Variants in ASCC2 observed in about 807,000 individuals in gnomAD.
ASCC2 encodes activating signal cointegrator 1 complex subunit 2.
ASCC2 carries 42 observed loss-of-function variants against 93.5 expected under a neutral mutation model. The ratio of observed to expected loss-of-function variants is 0.45; its 90% confidence interval spans 0.35 to 0.58. ASCC2 has a LOEUF of 0.58. Among genes scored for constraint, ASCC2 ranks in the 20% least tolerant of loss-of-function variants. ASCC2 has a pLI of 0.00. For missense variants in ASCC2, 859 were observed against 977.6 expected, an observed-to-expected ratio of 0.88 and a Z score of 1.62; for synonymous variants, 364 against 384.2, an observed-to-expected ratio of 0.95 and a Z score of 0.62.
Position 29,804,815 on chromosome 22 carries a change from A to T in ASCC2, c.1176T>A (p.Thr392=), listed in dbSNP as rs1240018757. The stretch of plus-strand genomic sequence containing the variant: ...TCTCGACTGCCTGGAGGATGTAGGC[A>T]GTCCGCGTCTCGTCCCTGTGAGGAC... ...QASSVLDETR[T]AYILQAVESA... is the part of the protein sequence containing the mutation. Residue 392 remains threonine (T), a synonymous_variant, in exon 13 of 20, where the codon ACT becomes ACA. Transcript: ENST00000307790. The T allele has an allele frequency of 5.6e-6, 9 of 1,613,916 alleles. No homozygotes were observed. In the Middle Eastern group the frequency reaches 6.6e-4, roughly 118 times the overall value.
At chr22:29,826,496 G>C (rs1480899410) in intron 2 of ASCC2, among the ~76,000 whole-genome samples, 1 of 151,808 alleles carries the variant, frequency 6.6e-6, no homozygotes, top group Non-Finnish European at 1.5e-5. Flanking sequence ...TTTTTTAGTA[G>C]AGATGGGGTT....
chr22:29,792,298 A>T lies in ASCC2; in HGVS notation c.2022+135T>A, dbSNP rs369773284. On this transcript the variant is annotated intron_variant, in intron 18 of 19. Coordinates refer to ENST00000307790, the MANE Select transcript of ASCC2 (RefSeq NM_032204.5). ...CTCTCCAAGCAGACATCCTGGGCTC[A>T]AAGGGACTCCTCCTGTCCCTGCCAG... 5 of 1,468,510 alleles carry T rather than the reference A, an allele frequency of 3.4e-6. No individual in the cohort carries two copies. The African/African-American group carries it at 5.6e-5, about 17-fold the overall frequency. 91.0% of individuals were successfully genotyped at this position (1,468,510 alleles called of 1,614,324 possible). A position where few individuals can be genotyped will look rare whatever the true frequency, so the allele number is the denominator to read the frequency against.
chr22:29,790,317 T>G, intron 19 of ASCC2, 152 bp downstream of exon 19: 1 of 732,704 alleles, frequency 1.4e-6, no homozygotes, highest in South Asian at 1.8e-5. Flanking sequence ...CAAATAAGGA[T>G]AGTGATAATG....
In ASCC2 at chr22:29,825,430, G is replaced by A. The variant is rs2062171680; in HGVS notation, c.241-173C>T. The A allele has an allele frequency of 1.8e-6, 2 of 1,138,328 alleles. No individual in the cohort carries two copies. Among genetic ancestry groups the A allele is most frequent in the South Asian group, 1.6e-5 (1 of 63,560 alleles). The allele number at this position is 1,138,328 out of a possible 1,614,324, so 70.5% of individuals were successfully genotyped here. ...GGGCTAAACACAAGATTCTAAAATT[G>A]ACACTTTGAAAGGTGTGTAAACATT... is the stretch of plus-strand genomic sequence containing the variant. On this transcript the variant is annotated intron_variant, in intron 3 of 19. Coordinates refer to ENST00000307790, the MANE Select transcript of ASCC2 (RefSeq NM_032204.5). This position sits in a 1 kb window ranked among gnomAD's most constrained non-coding sequence, Gnocchi z 4.9.
chr22:29,788,968 G>A lies in ASCC2; in HGVS notation c.*45C>T, dbSNP rs759743064. On this transcript the variant is annotated 3_prime_UTR_variant, in exon 20 of 20. Transcript: ENST00000307790. The stretch of plus-strand genomic sequence containing the variant: ...GCCCCAGGCGATGGGAGCACGGCCT[G>A]GTGAGTCTGGTGCCGCTGCCTCCCC... 25 of 1,612,030 alleles carry A rather than the reference G, an allele frequency of 1.6e-5. No individual in the cohort carries two copies. The highest frequency in any genetic ancestry group is 2.7e-5 in the African/African-American group (2 of 74,868).
Position 29,806,810 on chromosome 22 carries a change from T to G in ASCC2, c.1003A>C (p.Ile335Leu). 1 of 1,612,126 alleles carries G rather than the reference T, an allele frequency of 6.2e-7. No homozygotes were observed. The highest frequency in any genetic ancestry group is 8.5e-7 in the Non-Finnish European group (1 of 1,178,248). The part of the protein sequence containing the change: ...IILNQICLLP[I>L]LESSCDNIQG... ...GTGAGGGCTTACCTGCTTTCTAGGA[T>G]GGGAAGGAGGCAGATCTGGTTCAGG... The change falls in exon 10 of 20, where the codon ATC becomes CTC. Residue 335 changes from isoleucine (I) to leucine (L), a missense_variant. Coordinates refer to ENST00000307790, the MANE Select transcript of ASCC2 (RefSeq NM_032204.5).
chr22:29,812,675 C>T (rs985154189), intron 8 of ASCC2, among the ~76,000 whole-genome samples: 2 of 152,154 alleles, frequency 1.3e-5, no homozygotes, highest in Non-Finnish European at 2.9e-5. Context: ...CTTCACTCCC[C>T]AGCTCTCTCT....
At chr22:29,805,096 G>C (rs1295261451) in intron 12 of ASCC2, among the ~76,000 whole-genome samples, 1 of 152,166 alleles carries the variant, frequency 6.6e-6, no homozygotes, top group Non-Finnish European at 1.5e-5. Context: ...GTGTCCTGGG[G>C]CACAGGTATG....
chr22:29,813,344 G>T, intron 8 of ASCC2, 86 bp downstream of exon 8: 1 of 1,010,566 alleles, frequency 9.9e-7, no homozygotes, highest in Non-Finnish European at 1.6e-6. Context: ...TAAGCACCCA[G>T]TAAATATTTG....
At chr22:29,823,599 G>C (rs1241775290) in intron 4 of ASCC2, among the ~76,000 whole-genome samples, 1 of 152,168 alleles carries the variant, frequency 6.6e-6, no homozygotes, top group Non-Finnish European at 1.5e-5. Flanking sequence ...GGTAATCTCA[G>C]CACTTTGGGA....
intron 1 of ASCC2, chr22:29,834,486 C>T: frequency 2.1e-6 from 1 of 471,086 alleles, no homozygotes; most frequent in East Asian, 7.0e-5. Flanking sequence ...TAGTCCTTGA[C>T]ACCTGTTCCA....
chr22:29,834,444 T>C (rs2063527201), intron 1 of ASCC2: 2 of 468,764 alleles, frequency 4.3e-6, no homozygotes, highest in Non-Finnish European at 4.4e-6. Flanking sequence ...ATCCCCACCC[T>C]AGAAGGAGTA....
intron 7 of ASCC2, 37 bp from the exon 8 acceptor site, chr22:29,813,579 G>T: frequency 7.3e-7 from 1 of 1,364,538 alleles, no homozygotes; most frequent in Non-Finnish European, 1.0e-6. Context: ...ATTCTCCTCT[G>T]TCCACACATA....
intron 5 of ASCC2, among the ~76,000 whole-genome samples, chr22:29,818,974 C>A (rs1442247477): frequency 1.3e-5 from 2 of 152,158 alleles, no homozygotes. Context: ...CCACCTCCTA[C>A]AAGGCCTCCT....
chr22:29,808,393 C>T (rs532095508), intron 8 of ASCC2, among the ~76,000 whole-genome samples: 1 of 152,300 alleles, frequency 6.6e-6, no homozygotes, highest in East Asian at 1.9e-4. Flanking sequence ...TGACCTATAG[C>T]CATGTCCCTC....
At chr22:29,829,550 GT>G in intron 2 of ASCC2, among the ~76,000 whole-genome samples, 1 of 152,004 alleles carries the variant, frequency 6.6e-6, no homozygotes, top group East Asian at 1.9e-4. Flanking sequence ...GTGAAACCCC[GT>G]CTCTGCTAAA....
intron 8 of ASCC2, among the ~76,000 whole-genome samples, chr22:29,812,677 G>GCT (rs2060406049): frequency 6.6e-6 from 1 of 152,046 alleles, no homozygotes; most frequent in African/African-American, 2.4e-5. Context: ...TCACTCCCCA[G>GCT]CTCTCTCTCT....
At position 29,828,067 on chromosome 22, in the gene ASCC2, G is replaced by C. The variant is rs2062681442; in HGVS notation, c.82-2287C>G. Among the ~76,000 whole-genome samples, 4 of 152,214 alleles carry C rather than the reference G, an allele frequency of 2.6e-5. No homozygotes were observed. In the South Asian group the frequency reaches 8.3e-4, roughly 32 times the overall value. ...TGAGCACAAAACAAAGGAAGTGACA[G>C]CTCAAACCTGGCAGAGGGACTGTGG... On this transcript the variant is annotated intron_variant, in intron 2 of 19. Transcript: ENST00000307790.
At chr22:29,837,182 G>T (rs1358651426) in intron 1 of ASCC2, among the ~76,000 whole-genome samples, 2 of 151,838 alleles carry the variant, frequency 1.3e-5, no homozygotes, top group African/African-American at 4.8e-5. Context: ...TGTAATCCCA[G>T]CGCTTTGGGA....
Sources: allele counts gnomAD v4.1 joint callset (sites outside exome capture counted in the v4.1 genomes callset), GRCh38; gene constraint gnomAD v4.1.1; non-coding constraint Gnocchi (gnomAD v3.1); transcripts MANE v1.5; gene names NCBI Gene and HGNC (gene_info 2026-07-23, HGNC 2026-07-21).